KIF26B: variants seen among roughly 807,000 people sequenced by gnomAD.
The protein encoded by KIF26B is kinesin family member 26B.
In KIF26B, 63 loss-of-function variants were observed where a neutral mutation model predicts 151.2. That is an observed-to-expected ratio of 0.42 (90% CI 0.34 to 0.51). The LOEUF is 0.51. Among genes scored for constraint, KIF26B ranks in the 20% least tolerant of loss-of-function variants. The probability of loss-of-function intolerance (pLI) is 0.07; values close to 1 mark genes in which losing one functional copy is unlikely to be tolerated. For missense variants in KIF26B, 2,813 were observed against 2,913.6 expected (o/e 0.97, Z 0.79); for synonymous variants, 1,357 against 1,262.1 (o/e 1.08, Z -1.59).
chr1:245,361,601 G>A (rs1672820322), intron 2 of KIF26B, among the ~76,000 whole-genome samples: 1 of 152,212 alleles, frequency 6.6e-6, no homozygotes, highest in African/African-American at 2.4e-5. Context: ...ACAGAAGGAA[G>A]TTTCTACCTG....
chr1:245,268,470 AAATAATAATAATAAT>A (rs59590596), intron 2 of KIF26B, among the ~76,000 whole-genome samples: 3,765 of 134,694 alleles, frequency 0.028, 86 homozygotes, highest in African/African-American at 0.044. Flanking sequence ...CTCCATCTCC[AAATAATAATAATAAT>A]AATAATAATA....
chr1:245,193,518 T>G (rs1174415512), intron 2 of KIF26B, among the ~76,000 whole-genome samples: 2 of 151,760 alleles, frequency 1.3e-5, no homozygotes, highest in Non-Finnish European at 2.9e-5. Context: ...TAAATAACCT[T>G]TTTTCAAAAT....
At chr1:245,600,964 G>T (rs1478175432) in intron 5 of KIF26B, among the ~76,000 whole-genome samples, 1 of 152,170 alleles carries the variant, frequency 6.6e-6, no homozygotes, top group Non-Finnish European at 1.5e-5. Context: ...CACAGGTTCA[G>T]TGATGTGGGG....
chr1:245,425,843 G>A (rs983503786), intron 4 of KIF26B, among the ~76,000 whole-genome samples: 7 of 152,172 alleles, frequency 4.6e-5, no homozygotes, highest in Admixed American at 2.6e-4. Flanking sequence ...AGCTGGTATC[G>A]CCAGTTCCAT....
intron 3 of KIF26B, among the ~76,000 whole-genome samples, chr1:245,387,715 A>T (rs1284328832): frequency 6.6e-6 from 1 of 152,118 alleles, no homozygotes; most frequent in Non-Finnish European, 1.5e-5. Flanking sequence ...ACAAACTAAA[A>T]AAAATCCCCG....
intron 10 of KIF26B, among the ~76,000 whole-genome samples, chr1:245,662,334 T>TATAC (rs1553301819): frequency 3.5e-5 from 5 of 144,106 alleles, no homozygotes; most frequent in African/African-American, 1.3e-4. Context: ...TAATGATATA[T>TATAC]ACACACACAC....
Position 245,685,735 on chromosome 1 carries a change from A to G in KIF26B, c.2752A>G (p.Arg918Gly), listed in dbSNP as rs929312511. ...AGEAAAGKSERDCLKCNTFAE... is the reference protein window; with the variant it reads ...AGEAAAGKSEGDCLKCNTFAE... ...AGAGGCTGCAGCCGGCAAGTCAGAA[A>G]GGGACTGCCTGAAGTGCAACACGTT... The change falls in exon 12 of 15, where the codon AGG becomes GGG. Residue 918 changes from arginine to glycine, a missense_variant. By Grantham distance (125) the Arg-to-Gly change is moderately radical. Transcript: ENST00000407071. The G allele has an allele frequency of 6.2e-7, 1 of 1,612,392 alleles. No individual in the cohort carries two copies. The highest frequency in any genetic ancestry group is 1.1e-5 in the South Asian group (1 of 91,070).
chr1:245,200,703 A>T (rs1669281818), intron 2 of KIF26B, among the ~76,000 whole-genome samples: 1 of 152,204 alleles, frequency 6.6e-6, no homozygotes, highest in Admixed American at 6.5e-5. Context: ...TTTTATTGTT[A>T]TCTCTTCCGG....
At chr1:245,174,399 G>C (rs1156537796) in intron 2 of KIF26B, among the ~76,000 whole-genome samples, 4 of 151,960 alleles carry the variant, frequency 2.6e-5, no homozygotes, top group Non-Finnish European at 5.9e-5. Context: ...AGACAAAAGA[G>C]AAGGACATCT....
intron 2 of KIF26B, among the ~76,000 whole-genome samples, chr1:245,288,010 T>A (rs749376904): frequency 3.1e-4 from 47 of 152,236 alleles, no homozygotes; most frequent in Non-Finnish European, 5.6e-4. Flanking sequence ...AGGAGACAGC[T>A]GGGAAATCCA....
chr1:245,406,543 C>T (rs1674139357), intron 3 of KIF26B, among the ~76,000 whole-genome samples: 1 of 152,096 alleles, frequency 6.6e-6, no homozygotes, highest in African/African-American at 2.4e-5. Context: ...TCATGGGCTC[C>T]ACAGACAAGA....
rs1047846746 is a variant in KIF26B, at chr1:245,702,006, G to A, written c.6179-452G>A. Among the ~76,000 whole-genome samples, 10 of 152,220 alleles carry A rather than the reference G, an allele frequency of 6.6e-5. No individual in the cohort carries two copies. The highest frequency in any genetic ancestry group is 1.2e-4 in the African/African-American group (5 of 41,452). On this transcript the variant is annotated intron_variant, in intron 14 of 14. Transcript: ENST00000407071. This position sits in a 1 kb window ranked among gnomAD's most constrained non-coding sequence, Gnocchi z 4.1. ...GGCCTGAACATCAGGAAAGGCATCT[G>A]GGTTATAATCCAGAAACGTCCTTTC...
At chr1:245,339,436 A>G (rs111798673) in intron 2 of KIF26B, among the ~76,000 whole-genome samples, 1,890 of 152,290 alleles carry the variant, frequency 0.012, 21 homozygotes, top group African/African-American at 0.027. Flanking sequence ...TGCACAGCCT[A>G]GCTAATATAT....
intron 4 of KIF26B, among the ~76,000 whole-genome samples, chr1:245,517,671 G>A (rs1378060272): frequency 4.6e-5 from 7 of 152,132 alleles, no homozygotes; most frequent in Non-Finnish European, 1.0e-4. Flanking sequence ...TAATACCGGT[G>A]ATAAGCCACA....
At chr1:245,279,643 G>A (rs906825325) in intron 2 of KIF26B, among the ~76,000 whole-genome samples, 1 of 151,894 alleles carries the variant, frequency 6.6e-6, no homozygotes, top group Non-Finnish European at 1.5e-5. Flanking sequence ...TTGAGGTTTA[G>A]GGGCTAATGC....
intron 10 of KIF26B, 136 bp from the exon 11 acceptor site, chr1:245,684,097 C>A: frequency 2.3e-6 from 2 of 853,252 alleles, no homozygotes; most frequent in Non-Finnish European, 3.6e-6. Context: ...GAAAATGATG[C>A]TAATTAGTAT....
At chr1:245,517,281 G>A (rs544571118) in intron 4 of KIF26B, among the ~76,000 whole-genome samples, 38 of 151,972 alleles carry the variant, frequency 2.5e-4, no homozygotes, top group African/African-American at 8.9e-4. Context: ...CTTGAACCCA[G>A]AAGGCGGAGG....
intron 2 of KIF26B, among the ~76,000 whole-genome samples, chr1:245,344,490 G>A (rs1237081489): frequency 1.0e-5 from 1 of 97,944 alleles, no homozygotes; most frequent in Non-Finnish European, 1.9e-5. Context: ...GCTAGACTCC[G>A]TCTCAAAAAA....
chr1:245,607,365 C>T (rs965126463), intron 6 of KIF26B, among the ~76,000 whole-genome samples: 4 of 152,200 alleles, frequency 2.6e-5, no homozygotes, highest in Non-Finnish European at 5.9e-5. Context: ...ACTGTGCCCC[C>T]ATTCCAGCCT....
Sources: allele counts gnomAD v4.1 joint callset (sites outside exome capture counted in the v4.1 genomes callset), GRCh38; gene constraint gnomAD v4.1.1; non-coding constraint Gnocchi (gnomAD v3.1); transcripts MANE v1.5; gene names NCBI Gene and HGNC (gene_info 2026-07-23, HGNC 2026-07-21).